OSBPL1A: variants seen among roughly 807,000 people sequenced by gnomAD.
OSBPL1A encodes oxysterol-binding protein-related protein 1.
OSBPL1A carries 80 observed loss-of-function variants against 137.1 expected under a neutral mutation model. That is an observed-to-expected ratio of 0.58 (90% confidence interval 0.49 to 0.70). The LOEUF is 0.70. Among genes scored for constraint, OSBPL1A ranks in the 30% least tolerant of loss-of-function variants. The pLI is 0.00. For synonymous variants in OSBPL1A, 365 were observed against 389.7 expected (o/e 0.94, Z 0.75); for missense variants, 970 against 1,129.4 (o/e 0.86, Z 2.02).
In OSBPL1A at chr18:24,181,370, C is replaced by G. The variant is rs1010887494; in HGVS notation, c.1678-91G>C. 654 of 1,389,098 alleles carry G rather than the reference C, an allele frequency of 4.7e-4. 5 individuals carry two copies. Among genetic ancestry groups the G allele is most frequent in the East Asian group, 1.9e-4 (8 of 42,202 alleles). The allele number at this position is 1,389,098 out of a possible 1,614,324, so 86.0% of individuals were successfully genotyped here. A position where few individuals can be genotyped will look rare whatever the true frequency, so the allele number is the denominator to read the frequency against. ...TTACATAACATCCTCCTGGAAAGGACAGAACAGAAACTAGCAACCCATGAA... is the reference window on the plus strand; with the variant it reads ...TTACATAACATCCTCCTGGAAAGGAGAGAACAGAAACTAGCAACCCATGAA... On this transcript the variant is annotated intron_variant, in intron 18 of 27. Coordinates refer to ENST00000319481, the MANE Select transcript of OSBPL1A (RefSeq NM_080597.4).
chr18:24,225,170 T>C lies in OSBPL1A; in HGVS notation c.1473A>G (p.Arg491=). ...AGGAGCGTGCTGTCACTGCTTCCAA[T>C]CTACTCAGGGACCTTTCGGACTCGG... is the stretch of plus-strand genomic sequence containing the variant. ...SDSESERSLS[R]LEAVTARSFE... is the part of the protein sequence containing the mutation. Residue 491 remains arginine (R), a synonymous_variant, in exon 17 of 28, where the codon AGA becomes AGG. Coordinates refer to ENST00000319481, the MANE Select transcript of OSBPL1A (RefSeq NM_080597.4). 1.2e-6 allele frequency: 2 copies of C among 1,614,148 alleles called. No homozygotes were observed. Among genetic ancestry groups the C allele is most frequent in the South Asian group, 1.1e-5 (1 of 91,074 alleles).
chr18:24,263,785 G>A (rs8095781), intron 15 of OSBPL1A, among the ~76,000 whole-genome samples: 2,725 of 152,094 alleles, frequency 0.018, 70 homozygotes, highest in African/African-American at 0.062. Flanking sequence ...ACAGGCATGC[G>A]TCACTGCACC....
chr18:24,162,477 G>A lies in OSBPL1A; in HGVS notation c.*702C>T, dbSNP rs1203469302. 6.6e-6 allele frequency: 1 copy of A among 152,152 alleles called. No homozygotes were observed. The highest frequency in any genetic ancestry group is 2.4e-5 in the African/African-American group (1 of 41,420). The allele number at this position is 152,152 out of a possible 1,614,324, so 9.4% of individuals were successfully genotyped here. ...TTGCTAGATTTTATACATATTTTCA[G>A]TTCAAATGTAAACTTAACCATTTTA... On this transcript the variant is annotated 3_prime_UTR_variant, in exon 28 of 28. Transcript: ENST00000319481.
intron 4 of OSBPL1A, among the ~76,000 whole-genome samples, chr18:24,346,308 C>A (rs1015588373): frequency 6.6e-6 from 1 of 152,142 alleles, no homozygotes; most frequent in South Asian, 2.1e-4. Context: ...TAAATAACAG[C>A]TTTATTGAGG....
At chr18:24,209,204 C>G (rs1283942665) in intron 17 of OSBPL1A, among the ~76,000 whole-genome samples, 2 of 152,098 alleles carry the variant, frequency 1.3e-5, no homozygotes, top group Non-Finnish European at 2.9e-5. Context: ...GATTAGTATC[C>G]AGAATACATA....
chr18:24,181,083 T>C (rs1021028316), intron 19 of OSBPL1A, 62 bp downstream of exon 19: 1 of 1,551,528 alleles, frequency 6.4e-7, no homozygotes, highest in East Asian at 2.3e-5. Flanking sequence ...CGTGTGTGTG[T>C]TCGGGGCTGG....
intron 2 of OSBPL1A, chr18:24,368,712 A>C (rs7229660): frequency 0.023 from 4,860 of 207,080 alleles, 203 homozygotes; most frequent in African/African-American, 0.092. Flanking sequence ...GAGGGGTTTT[A>C]TTGACATAGT....
intron 7 of OSBPL1A, among the ~76,000 whole-genome samples, chr18:24,320,356 T>C (rs2090824877): frequency 6.6e-6 from 1 of 152,164 alleles, no homozygotes; most frequent in Non-Finnish European, 1.5e-5. Flanking sequence ...CCCAGACTTT[T>C]TAAATAAATG....
intron 1 of OSBPL1A, among the ~76,000 whole-genome samples, chr18:24,390,754 A>C (rs1368014591): frequency 6.6e-6 from 1 of 151,570 alleles, no homozygotes; most frequent in East Asian, 1.9e-4. Flanking sequence ...GAAATCCCAA[A>C]TATTGTGTTT....
At chr18:24,336,197 C>T (rs527855692) in intron 5 of OSBPL1A, among the ~76,000 whole-genome samples, 26 of 152,210 alleles carry the variant, frequency 1.7e-4, no homozygotes, top group South Asian at 6.2e-4. Flanking sequence ...GCATCTGGCA[C>T]GATGCATAGT....
In OSBPL1A at chr18:24,342,886, A is replaced by C. The variant is rs185177074; in HGVS notation, c.283-1228T>G. Among the ~76,000 whole-genome samples the C allele has an allele frequency of 1.4e-3, 206 of 152,230 alleles. 2 individuals are homozygous for C. Among genetic ancestry groups the C allele is most frequent in the Non-Finnish European group, 8.8e-5 (6 of 68,002 alleles). On this transcript the variant is annotated intron_variant, in intron 4 of 27. Coordinates refer to ENST00000319481, the MANE Select transcript of OSBPL1A (RefSeq NM_080597.4). ...GTATTATTATATAAAATGTACTACCACATTAAAAAAACAGGAAAATGGTTT... is the reference window on the plus strand; with the variant it reads ...GTATTATTATATAAAATGTACTACCCCATTAAAAAAACAGGAAAATGGTTT...
intron 14 of OSBPL1A, among the ~76,000 whole-genome samples, chr18:24,298,703 C>A (rs2090342388): frequency 6.6e-6 from 1 of 152,208 alleles, no homozygotes; most frequent in Non-Finnish European, 1.5e-5. Context: ...TGGATTGGGA[C>A]CCCTTTCCTG....
chr18:24,363,390 C>T (rs1055691660), intron 4 of OSBPL1A, among the ~76,000 whole-genome samples: 20 of 151,906 alleles, frequency 1.3e-4, no homozygotes, highest in African/African-American at 4.3e-4. Context: ...ATCTCTCTGA[C>T]GAATCTCTCA....
At chr18:24,217,851 C>A (rs529280624) in intron 17 of OSBPL1A, among the ~76,000 whole-genome samples, 1 of 152,114 alleles carries the variant, frequency 6.6e-6, no homozygotes, top group Non-Finnish European at 1.5e-5. Context: ...TGCTAAAAAA[C>A]TGAAACATAA....
chr18:24,376,901 C>T (rs1378285844), intron 2 of OSBPL1A, among the ~76,000 whole-genome samples: 1 of 152,230 alleles, frequency 6.6e-6, no homozygotes, highest in Admixed American at 6.5e-5. Context: ...CCCACGCCCA[C>T]GCCCACACGG....
intron 15 of OSBPL1A, among the ~76,000 whole-genome samples, chr18:24,267,094 A>C (rs2089597424): frequency 6.6e-6 from 1 of 151,720 alleles, no homozygotes; most frequent in Non-Finnish European, 1.5e-5. Flanking sequence ...AGTCAGTATT[A>C]GAAAAAAGAA....
At chr18:24,295,295 C>T (rs1209997853) in intron 14 of OSBPL1A, among the ~76,000 whole-genome samples, 1 of 152,088 alleles carries the variant, frequency 6.6e-6, no homozygotes. Context: ...GTTTGAGTGC[C>T]TTGCAGATTT....
Position 24,178,127 on chromosome 18 carries a change from G to A in OSBPL1A, c.1979C>T (p.Ala660Val). 6.2e-7 allele frequency: 1 copy of A among 1,612,084 alleles called. No homozygotes were observed. Among genetic ancestry groups the A allele is most frequent in the Non-Finnish European group, 8.5e-7 (1 of 1,179,414 alleles). ...GATGAAGTCATTGTTTAATCCTTCA[G>A]CATGAAATGCACTGATTGGTGGGTG... ...SHHPPISAFH[A>V]EGLNNDFIFH... Residue 660 changes from alanine to valine, a missense_variant, in exon 21 of 28, where the codon GCT becomes GTT. Coordinates refer to ENST00000319481, the MANE Select transcript of OSBPL1A (RefSeq NM_080597.4).
chr18:24,195,690 A>C (rs2087011032), intron 18 of OSBPL1A, among the ~76,000 whole-genome samples: 2 of 152,178 alleles, frequency 1.3e-5, no homozygotes, highest in Admixed American at 6.5e-5. Flanking sequence ...CATCAGATCC[A>C]CCTGCACAGA....
Sources: allele counts gnomAD v4.1 joint callset (sites outside exome capture counted in the v4.1 genomes callset), GRCh38; gene constraint gnomAD v4.1.1; transcripts MANE v1.5; gene names NCBI Gene and HGNC (gene_info 2026-07-23, HGNC 2026-07-21).